Variants in KCTD1 observed in about 807,000 individuals in gnomAD.
The protein encoded by KCTD1 is potassium channel tetramerization domain containing 1, also known as BTB/POZ domain-containing protein KCTD1.
Under a neutral mutation model 66.0 loss-of-function variants are expected in KCTD1, and 24 were observed. That is an observed-to-expected ratio of 0.36 (90% confidence interval 0.26 to 0.51). KCTD1 has a LOEUF of 0.51. KCTD1 is among the 20% of genes least tolerant of loss of function. The pLI is 0.95. For synonymous variants in KCTD1, 511 were observed against 517.2 expected (o/e 0.99, Z 0.16); for missense variants, 943 against 1,205.2 (o/e 0.78, Z 3.22).
upstream of KCTD1, among the ~76,000 whole-genome samples, chr18:26,632,934 G>T (rs581185): frequency 0.53 from 79,808 of 151,720 alleles, 21,306 homozygotes; most frequent in East Asian, 0.66. Context: ...AGTCTTGGGA[G>T]GGGGTAAGGA....
At chr18:26,608,090 C>A (rs555415629) in intron 1 of KCTD1, among the ~76,000 whole-genome samples, 1 of 152,292 alleles carries the variant, frequency 6.6e-6, no homozygotes, top group East Asian at 1.9e-4. Context: ...TAAAGTTTCT[C>A]AATTGTTTGA....
chr18:26,643,938 G>A (rs763002288), upstream of KCTD1, among the ~76,000 whole-genome samples: 8 of 151,908 alleles, frequency 5.3e-5, no homozygotes, highest in South Asian at 2.1e-4. Context: ...CTCCAGCCTG[G>A]GTGACAGAGT....
At chr18:26,504,587 G>A (rs1302332561) in intron 1 of KCTD1, among the ~76,000 whole-genome samples, 2 of 152,036 alleles carry the variant, frequency 1.3e-5, no homozygotes, top group African/African-American at 4.8e-5. Flanking sequence ...TGCCCAGGCT[G>A]GCCTTGAACT....
At position 26,468,011 on chromosome 18, in the gene KCTD1, CAG is replaced by C. The variant is rs370555675; in HGVS notation, c.2134-8088_2134-8087del. On this transcript the variant is annotated intron_variant, in intron 3 of 4. Transcript: ENST00000580059. The surrounding 1 kb of genome is among the most constrained non-coding windows in gnomAD (Gnocchi z 4.8). ...AGATGATGTTAAAGATAAAAGGCTACAGAGAGAGAGAGAGAGAGAAAGAGAGA... is the reference window on the plus strand; with the variant it reads ...AGATGATGTTAAAGATAAAAGGCTACAGAGAGAGAGAGAGAGAAAGAGAGA... 3.9e-4 allele frequency among the ~76,000 whole-genome samples: 58 copies of C among 149,104 alleles called. No individual in the cohort carries two copies. Among genetic ancestry groups the C allele is most frequent in the Non-Finnish European group, 5.2e-4 (35 of 66,932 alleles).
chr18:26,529,683 C>T (rs945185770), intron 1 of KCTD1, among the ~76,000 whole-genome samples: 3 of 152,216 alleles, frequency 2.0e-5, no homozygotes, highest in African/African-American at 7.2e-5. Context: ...ACATTCTTTA[C>T]ATTTAAAATA....
intron 2 of KCTD1, among the ~76,000 whole-genome samples, chr18:26,490,460 C>G (rs187595727): frequency 6.6e-6 from 1 of 152,180 alleles, no homozygotes; most frequent in Non-Finnish European, 1.5e-5. Flanking sequence ...GATAGCGAGA[C>G]TAGAAAATTC....
chr18:26,505,371 A>C (rs1982981052), intron 1 of KCTD1, among the ~76,000 whole-genome samples: 2 of 152,274 alleles, frequency 1.3e-5, no homozygotes, highest in Admixed American at 6.5e-5. Flanking sequence ...ACACTGCTGA[A>C]GAAACAACTC....
chr18:26,559,182 T>G (rs1985785425), intron 1 of KCTD1, among the ~76,000 whole-genome samples: 1 of 152,132 alleles, frequency 6.6e-6, no homozygotes, highest in South Asian at 2.1e-4. Context: ...AGATCTGCTA[T>G]TTGGTGGCAC....
intron 1 of KCTD1, among the ~76,000 whole-genome samples, chr18:26,535,775 G>C (rs771926812): frequency 6.6e-6 from 1 of 152,056 alleles, no homozygotes; most frequent in African/African-American, 2.4e-5. Flanking sequence ...GCCTGGAGCT[G>C]GAACCAGAAC....
In KCTD1 at chr18:26,530,651, G is replaced by A. The variant is rs189168573; in HGVS notation, c.1809+16077C>T. 2.4e-3 allele frequency among the ~76,000 whole-genome samples: 370 copies of A among 152,304 alleles called. 3 individuals are homozygous for A. The highest frequency in any genetic ancestry group is 8.4e-3 in the African/African-American group (351 of 41,566). Reference sequence around the variant, plus strand: ...ACTATGTGCTAAGAAATCAGCAAAGGAGAACAAATTAAAATTGGAACATAC... The same window carrying A: ...ACTATGTGCTAAGAAATCAGCAAAGAAGAACAAATTAAAATTGGAACATAC... On this transcript the variant is annotated intron_variant, in intron 1 of 4. Transcript: ENST00000580059.
At chr18:26,580,249 A>G (rs1439868925) in intron 1 of KCTD1, among the ~76,000 whole-genome samples, 1 of 152,060 alleles carries the variant, frequency 6.6e-6, no homozygotes, top group Non-Finnish European at 1.5e-5. Flanking sequence ...GCATAATATG[A>G]TGTCAGGTGT....
At chr18:26,560,470 C>G (rs556720664) in intron 1 of KCTD1, among the ~76,000 whole-genome samples, 1 of 152,110 alleles carries the variant, frequency 6.6e-6, no homozygotes, top group Non-Finnish European at 1.5e-5. Context: ...AATACTGATA[C>G]CCAGATCCTT....
chr18:26,635,790 T>A (rs1987711021), intron 1 of KCTD1, among the ~76,000 whole-genome samples: 1 of 152,184 alleles, frequency 6.6e-6, no homozygotes, highest in African/African-American at 2.4e-5. Context: ...TCAGAAGGAC[T>A]GTGAAATGCC....
intron 1 of KCTD1, among the ~76,000 whole-genome samples, chr18:26,535,233 AC>A (rs1984642659): frequency 1.3e-5 from 2 of 152,048 alleles, no homozygotes; most frequent in African/African-American, 4.8e-5. Flanking sequence ...GGTTCTTTTT[AC>A]TAGTTATAAC....
chr18:26,522,938 G>A (rs1322596674), intron 1 of KCTD1, among the ~76,000 whole-genome samples: 5 of 152,146 alleles, frequency 3.3e-5, no homozygotes, highest in African/African-American at 1.2e-4. Flanking sequence ...ATCTCCCACA[G>A]TGCCTTGTAT....
intron 2 of KCTD1, among the ~76,000 whole-genome samples, chr18:26,498,819 T>C (rs1982609851): frequency 6.6e-6 from 1 of 152,198 alleles, no homozygotes; most frequent in Non-Finnish European, 1.5e-5. Context: ...AAAGATGGGC[T>C]GAGAAAGCAT....
chr18:26,484,434 A>G (rs956653065), intron 2 of KCTD1, among the ~76,000 whole-genome samples: 25 of 152,302 alleles, frequency 1.6e-4, no homozygotes, highest in African/African-American at 6.0e-4. Flanking sequence ...AAGAAAAAGT[A>G]TGAGTGCAAT....
intron 2 of KCTD1, among the ~76,000 whole-genome samples, chr18:26,489,539 G>T (rs975271756): frequency 6.6e-6 from 1 of 150,786 alleles, no homozygotes; most frequent in African/African-American, 2.4e-5. Context: ...ATTGTGCCTG[G>T]CCTGTTTTTT....
chr18:26,525,504 G>C (rs1331413131), intron 1 of KCTD1, among the ~76,000 whole-genome samples: 4 of 152,074 alleles, frequency 2.6e-5, no homozygotes, highest in African/African-American at 9.7e-5. Flanking sequence ...AACTAACTTG[G>C]TGTTTCCCAA....
Sources: allele counts gnomAD v4.1 joint callset (sites outside exome capture counted in the v4.1 genomes callset), GRCh38; gene constraint gnomAD v4.1.1; non-coding constraint Gnocchi (gnomAD v3.1); transcripts MANE v1.5; gene names NCBI Gene and HGNC (gene_info 2026-07-23, HGNC 2026-07-21).